Variants in OPCML observed in about 807,000 individuals in gnomAD.
OPCML encodes opioid binding protein/cell adhesion molecule like.
Under a neutral mutation model 37.8 loss-of-function variants are expected in OPCML, and 13 were observed. The ratio of observed to expected loss-of-function variants is 0.34; its 90% confidence interval spans 0.22 to 0.55. The LOEUF is 0.55. Ranked by LOEUF, OPCML falls within the 20% of genes least tolerant of loss-of-function variation. The pLI is 0.91. For missense variants in OPCML, 341 were observed against 435.6 expected, an observed-to-expected ratio of 0.78 and a Z score of 1.93; for synonymous variants, 176 against 168.8, an observed-to-expected ratio of 1.04 and a Z score of -0.33.
At chr11:132,437,111 C>T in intron 5 of OPCML, 111 bp downstream of exon 5, 1 of 1,493,892 alleles carries the variant, frequency 6.7e-7, no homozygotes, top group Non-Finnish European at 9.0e-7. Flanking sequence ...AAGTATTTTC[C>T]TGTTGGCAGG....
chr11:132,745,396 T>G (rs2136050710), intron 2 of OPCML, among the ~76,000 whole-genome samples: 1 of 152,098 alleles, frequency 6.6e-6, no homozygotes, highest in Non-Finnish European at 1.5e-5. Context: ...TCAGGGAAAC[T>G]TTGAGAATGA....
chr11:132,994,390 G>A (rs977693617), intron 1 of OPCML, among the ~76,000 whole-genome samples: 1 of 152,224 alleles, frequency 6.6e-6, no homozygotes, highest in Non-Finnish European at 1.5e-5. Context: ...GCCTAGGAGA[G>A]AAGAGGGAAG....
intron 1 of OPCML, among the ~76,000 whole-genome samples, chr11:133,452,558 G>T (rs1196794282): frequency 2.6e-5 from 4 of 151,442 alleles, no homozygotes; most frequent in African/African-American, 9.8e-5. Flanking sequence ...CACACTTGTA[G>T]TTCCAGCACT....
chr11:132,730,500 G>A (rs1217203355), intron 2 of OPCML, among the ~76,000 whole-genome samples: 1 of 152,110 alleles, frequency 6.6e-6, no homozygotes. Context: ...TCTTCTCTGT[G>A]TAATGTAATT....
At chr11:133,226,095 C>A (rs1210187913) in intron 1 of OPCML, among the ~76,000 whole-genome samples, 2 of 152,208 alleles carry the variant, frequency 1.3e-5, no homozygotes, top group African/African-American at 4.8e-5. Context: ...CACTGCAGAG[C>A]CCTCTATGAG....
chr11:133,453,732 ACT>A (rs1479382787), intron 1 of OPCML, among the ~76,000 whole-genome samples: 1 of 151,966 alleles, frequency 6.6e-6, no homozygotes, highest in South Asian at 2.1e-4. Flanking sequence ...TTTTCTGATG[ACT>A]CTATCCTCAC....
At position 133,409,321 on chromosome 11, in the gene OPCML, A is replaced by C. The variant is rs576640806; in HGVS notation, c.61+122943T>G. ...CTCACTCCAGGGCTCTCTGGCAGCT[A>C]AGTGGTGAGTTTAGAAAACTTGACA... is the stretch of plus-strand genomic sequence containing the variant. On this transcript the variant is annotated intron_variant, in intron 1 of 7. Transcript: ENST00000524381. Among the ~76,000 whole-genome samples the C allele has an allele frequency of 5.3e-5, 8 of 152,320 alleles. No homozygotes were observed. The South Asian group carries it at 1.7e-3, about 32-fold the overall frequency.
intron 2 of OPCML, among the ~76,000 whole-genome samples, chr11:132,782,307 G>A (rs2136154284): frequency 6.6e-6 from 1 of 152,070 alleles, no homozygotes; most frequent in East Asian, 2.0e-4. Context: ...GGTGCACAGA[G>A]CCCAGGCCAG....
At chr11:133,472,388 A>G (rs1947137762) in intron 1 of OPCML, among the ~76,000 whole-genome samples, 1 of 152,156 alleles carries the variant, frequency 6.6e-6, no homozygotes, top group Non-Finnish European at 1.5e-5. Flanking sequence ...CAGGCACAAG[A>G]AAGTCCTGAC....
chr11:132,720,265 T>C (rs540574323), intron 2 of OPCML, among the ~76,000 whole-genome samples: 4 of 152,330 alleles, frequency 2.6e-5, no homozygotes, highest in African/African-American at 7.2e-5. Context: ...TGATGGCATC[T>C]GTACCCCAGG....
chr11:133,525,181 G>A (rs1269373006), intron 1 of OPCML, among the ~76,000 whole-genome samples: 1 of 152,220 alleles, frequency 6.6e-6, no homozygotes, highest in African/African-American at 2.4e-5. Context: ...ACAATAAACA[G>A]GGAAGCCTCG....
At chr11:133,074,576 CAGG>C (rs202172953) in intron 1 of OPCML, among the ~76,000 whole-genome samples, 1,719 of 152,262 alleles carry the variant, frequency 0.011, 38 homozygotes, top group African/African-American at 0.039. Context: ...GGTTGGCTTC[CAGG>C]AGGATGGTAG....
intron 1 of OPCML, among the ~76,000 whole-genome samples, chr11:132,965,906 T>G (rs1946203644): frequency 6.6e-6 from 1 of 152,212 alleles, no homozygotes; most frequent in Non-Finnish European, 1.5e-5. Context: ...TTCTTTTATT[T>G]CTAATTTTAG....
intron 1 of OPCML, among the ~76,000 whole-genome samples, chr11:133,127,545 A>G (rs567310898): frequency 2.0e-3 from 298 of 152,026 alleles, no homozygotes; most frequent in African/African-American, 7.1e-3. Flanking sequence ...AGGTGGGAGG[A>G]TCACTTGAGC....
intron 3 of OPCML, among the ~76,000 whole-genome samples, chr11:132,579,105 G>A (rs1039602048): frequency 6.6e-6 from 1 of 152,134 alleles, no homozygotes; most frequent in African/African-American, 2.4e-5. Flanking sequence ...ATGATCAACT[G>A]GGGGGAGGCC....
intron 2 of OPCML, among the ~76,000 whole-genome samples, chr11:132,803,121 G>T (rs1185277902): frequency 6.6e-6 from 1 of 152,130 alleles, no homozygotes; most frequent in African/African-American, 2.4e-5. Flanking sequence ...GCTGTGACAG[G>T]TTTCCACTGA....
chr11:132,443,824 C>T (rs1176238211), intron 4 of OPCML, among the ~76,000 whole-genome samples: 1 of 152,230 alleles, frequency 6.6e-6, no homozygotes, highest in Non-Finnish European at 1.5e-5. Flanking sequence ...CCTGAGGAGA[C>T]ATGTGCCTGA....
At chr11:133,401,914 G>A (rs1945412420) in intron 1 of OPCML, among the ~76,000 whole-genome samples, 1 of 152,190 alleles carries the variant, frequency 6.6e-6, no homozygotes, top group Non-Finnish European at 1.5e-5. Context: ...TGAGTTCTCA[G>A]TGCAGCAGCC....
intron 3 of OPCML, among the ~76,000 whole-genome samples, chr11:132,613,730 C>T (rs1380428883): frequency 6.6e-6 from 1 of 151,998 alleles, no homozygotes; most frequent in Non-Finnish European, 1.5e-5. Context: ...TATTTTTTTA[C>T]TTGAGAAAAG....
Sources: allele counts gnomAD v4.1 joint callset (sites outside exome capture counted in the v4.1 genomes callset), GRCh38; gene constraint gnomAD v4.1.1; transcripts MANE v1.5; gene names NCBI Gene and HGNC (gene_info 2026-07-23, HGNC 2026-07-21).